EXOC2: variants seen among roughly 807,000 people sequenced by gnomAD.
The protein encoded by EXOC2 is exocyst complex component 2.
EXOC2 carries 70 observed loss-of-function variants against 131.8 expected under a neutral mutation model. That is an observed-to-expected ratio of 0.53 (90% CI 0.44 to 0.65). The LOEUF (loss-of-function observed/expected upper bound fraction) is 0.65. Ranked by LOEUF, EXOC2 falls within the 30% of genes least tolerant of loss-of-function variation. EXOC2 has a pLI of 0.00. For synonymous variants in EXOC2, 411 were observed against 398.4 expected (o/e 1.03, Z -0.38); for missense variants, 923 against 1,108.6 (o/e 0.83, Z 2.38).
chr6:489,110 C>CTTAA, intron 26 of EXOC2, 72 bp from the exon 27 acceptor site: 1 of 1,423,710 alleles, frequency 7.0e-7, no homozygotes, highest in Non-Finnish European at 9.8e-7. Context: ...TTAAGCATCC[C>CTTAA]TTAATTATTG....
chr6:535,653 C>A (rs548994887), intron 22 of EXOC2, among the ~76,000 whole-genome samples: 9 of 152,124 alleles, frequency 5.9e-5, no homozygotes, highest in Non-Finnish European at 1.3e-4. Context: ...CTAATTGAAT[C>A]CATTATAGAC....
At chr6:602,656 C>A (rs1581532237) in intron 7 of EXOC2, among the ~76,000 whole-genome samples, 1 of 152,226 alleles carries the variant, frequency 6.6e-6, no homozygotes, top group South Asian at 2.1e-4. Flanking sequence ...TTGGGCAAAC[C>A]AAGGTCTGGA....
chr6:673,706 T>C (rs1763981237), intron 1 of EXOC2, among the ~76,000 whole-genome samples: 1 of 152,160 alleles, frequency 6.6e-6, no homozygotes, highest in Non-Finnish European at 1.5e-5. Context: ...AATATATAAC[T>C]TTTTACTATT....
intron 1 of EXOC2, among the ~76,000 whole-genome samples, chr6:638,824 G>A (rs145392713): frequency 0.021 from 3,264 of 152,250 alleles, 46 homozygotes; most frequent in Non-Finnish European, 0.035. Context: ...AGCTACTCAG[G>A]AGGCTGAGGC....
At chr6:562,417 T>C (rs992797457) in intron 17 of EXOC2, among the ~76,000 whole-genome samples, 1 of 152,224 alleles carries the variant, frequency 6.6e-6, no homozygotes, top group Non-Finnish European at 1.5e-5. Flanking sequence ...GTTGTTTTTG[T>C]TTGTTTGGTT....
chr6:564,654 C>A lies in EXOC2; in HGVS notation c.1558G>T (p.Ala520Ser). Residue 520 changes from alanine to serine, a missense_variant, in exon 15 of 28, where the codon GCC becomes TCC. By Grantham distance (99) the Ala-to-Ser change is moderately conservative (BLOSUM62 1). Coordinates refer to ENST00000230449, the MANE Select transcript of EXOC2 (RefSeq NM_018303.6). ...TCCCGGATGCTGAGGGGAAGCAGGG[C>A]TCCGCGGGTAAGCTTCACCAGGGAG... ...MHSLVKLTRGALLPLSIRDGE... is the reference protein window; with the variant it reads ...MHSLVKLTRGSLLPLSIRDGE... 1 of 1,610,356 alleles carries A rather than the reference C, an allele frequency of 6.2e-7. No homozygotes were observed. Among genetic ancestry groups the A allele is most frequent in the Non-Finnish European group, 8.5e-7 (1 of 1,178,284 alleles).
At chr6:597,348 T>C (rs894112396) in intron 10 of EXOC2, among the ~76,000 whole-genome samples, 8 of 152,024 alleles carry the variant, frequency 5.3e-5, no homozygotes, top group East Asian at 1.9e-4. Flanking sequence ...GGCTGATTTT[T>C]GTATTTTTAG....
intron 22 of EXOC2, among the ~76,000 whole-genome samples, chr6:546,198 T>C (rs533119804): frequency 1.7e-4 from 26 of 151,166 alleles, no homozygotes; most frequent in African/African-American, 6.3e-4. Flanking sequence ...GAAAAAAAAA[T>C]GCATGACTGG....
chr6:553,388 TAA>T (rs1491499182), intron 21 of EXOC2, among the ~76,000 whole-genome samples: 5 of 64,510 alleles, frequency 7.8e-5, no homozygotes, highest in Admixed American at 2.0e-4. Context: ...TGTTTGTGTA[TAA>T]GTGTGTGTGT....
At chr6:552,015 CAG>C (rs1164377872) in intron 21 of EXOC2, among the ~76,000 whole-genome samples, 1 of 152,226 alleles carries the variant, frequency 6.6e-6, no homozygotes, top group Admixed American at 6.5e-5. Context: ...TGGAGGAGCA[CAG>C]AGTGCCTTGG....
chr6:673,681 C>T (rs1457767539), intron 1 of EXOC2, among the ~76,000 whole-genome samples: 5 of 152,144 alleles, frequency 3.3e-5, no homozygotes, highest in African/African-American at 7.2e-5. Flanking sequence ...CAGATTTACA[C>T]TTCAAAACTC....
chr6:507,266 T>G (rs1409725414), intron 23 of EXOC2, among the ~76,000 whole-genome samples: 2 of 74,466 alleles, frequency 2.7e-5, no homozygotes, highest in African/African-American at 6.2e-5. Context: ...CACACAGCAG[T>G]GACTACACAC....
intron 1 of EXOC2, chr6:656,266 C>G (rs1185077525): frequency 6.2e-7 from 1 of 1,614,226 alleles, no homozygotes; most frequent in South Asian, 1.1e-5. Context: ...CGCACTTGCA[C>G]CATGCTCTCC....
chr6:629,789 T>G, intron 4 of EXOC2, 46 bp downstream of exon 4: 1 of 1,603,156 alleles, frequency 6.2e-7, no homozygotes, highest in Non-Finnish European at 8.5e-7. Context: ...ATAAAACTTT[T>G]CAGGAACTGA....
At chr6:526,833 A>T (rs1345325130) in intron 23 of EXOC2, among the ~76,000 whole-genome samples, 1 of 152,080 alleles carries the variant, frequency 6.6e-6, no homozygotes, top group Non-Finnish European at 1.5e-5. Context: ...CGGAACCCCT[A>T]CCTCACCATT....
chr6:506,224 T>G lies in EXOC2; in HGVS notation c.2381-6524A>C, dbSNP rs550165321. Among the ~76,000 whole-genome samples, 1 of 152,356 alleles carries G rather than the reference T, an allele frequency of 6.6e-6. No homozygotes were observed. The highest frequency in any genetic ancestry group is 2.1e-4 in the South Asian group (1 of 4,830). ...TTTCCAGCAATATACTGAAATAATG[T>G]CATTAGGTATTTGCTGAATGCTCCG... On this transcript the variant is annotated intron_variant, in intron 23 of 27. Transcript: ENST00000230449. This position sits in a 1 kb window ranked among gnomAD's most constrained non-coding sequence, Gnocchi z 4.4.
At chr6:643,366 C>T (rs1200387310) in intron 1 of EXOC2, among the ~76,000 whole-genome samples, 1 of 151,994 alleles carries the variant, frequency 6.6e-6, no homozygotes, top group African/African-American at 2.4e-5. Context: ...ACCGAAATTC[C>T]GAAGATTACA....
intron 10 of EXOC2, among the ~76,000 whole-genome samples, chr6:594,591 G>C (rs760827196): frequency 6.6e-6 from 1 of 152,196 alleles, no homozygotes; most frequent in African/African-American, 2.4e-5. Flanking sequence ...ACAGCAAGAG[G>C]AATCAATAAG....
At chr6:617,334 G>A (rs1761064750) in intron 6 of EXOC2, among the ~76,000 whole-genome samples, 1 of 152,242 alleles carries the variant, frequency 6.6e-6, no homozygotes. Flanking sequence ...GAAGAGACTG[G>A]TATCCTATCA....
Sources: gnomAD v4.1 joint callset for allele counts (sites outside exome capture counted in the v4.1 genomes callset) on GRCh38, gnomAD v4.1.1 for gene constraint, Gnocchi (gnomAD v3.1) non-coding constraint, MANE v1.5 for transcripts, NCBI Gene and HGNC (gene_info 2026-07-23, HGNC 2026-07-21) for gene names.